Variants in BAIAP2L1 observed in about 807,000 individuals in gnomAD.
BAIAP2L1 encodes BAR/IMD domain containing adaptor protein 2 like 1.
Under a neutral mutation model 66.3 loss-of-function variants are expected in BAIAP2L1, and 35 were observed. That is an observed-to-expected ratio of 0.53 (90% confidence interval 0.40 to 0.70). BAIAP2L1 has a LOEUF of 0.70. Ranked by LOEUF, BAIAP2L1 falls within the 30% of genes least tolerant of loss-of-function variation. BAIAP2L1 has a pLI of 0.00. For synonymous variants in BAIAP2L1, 269 were observed against 248.7 expected (o/e 1.08, Z -0.77); for missense variants, 622 against 656.9 (o/e 0.95, Z 0.58).
At chr7:98,368,520 G>A (rs570082217) in intron 1 of BAIAP2L1, among the ~76,000 whole-genome samples, 5 of 151,978 alleles carry the variant, frequency 3.3e-5, no homozygotes, top group Non-Finnish European at 7.4e-5. Flanking sequence ...GTGAAACCCC[G>A]CCTCTACTAA....
intron 1 of BAIAP2L1, among the ~76,000 whole-genome samples, chr7:98,364,571 A>T (rs922620161): frequency 6.6e-6 from 1 of 151,904 alleles, no homozygotes; most frequent in Non-Finnish European, 1.5e-5. Flanking sequence ...TGATCTAAGA[A>T]CTAATGCGTG....
At chr7:98,293,695 G>T in intron 13 of BAIAP2L1, 99 bp from the exon 14 acceptor site, 3 of 1,176,222 alleles carry the variant, frequency 2.6e-6, no homozygotes, top group Non-Finnish European at 3.8e-6. Flanking sequence ...GAGACTGGGC[G>T]GCTGACCACC....
At chr7:98,300,401 G>C (rs1253982899) in intron 12 of BAIAP2L1, among the ~76,000 whole-genome samples, 1 of 152,242 alleles carries the variant, frequency 6.6e-6, no homozygotes, top group Non-Finnish European at 1.5e-5. Context: ...GCTGTCTACA[G>C]AGGCTGGATG....
chr7:98,381,272 A>AG (rs1802754525), intron 1 of BAIAP2L1, among the ~76,000 whole-genome samples: 1 of 152,210 alleles, frequency 6.6e-6, no homozygotes, highest in Admixed American at 6.6e-5. Flanking sequence ...GGAAATCTTC[A>AG]GCGCATGGAG....
chr7:98,355,573 A>AAAC (rs1412577599), intron 2 of BAIAP2L1: 2 of 162,792 alleles, frequency 1.2e-5, no homozygotes, highest in Non-Finnish European at 2.7e-5. Flanking sequence ...AAAAAAAAAT[A>AAAC]CATAAATTAG....
chr7:98,294,171 T>TA, intron 12 of BAIAP2L1, 60 bp from the exon 13 acceptor site: 1 of 1,556,470 alleles, frequency 6.4e-7, no homozygotes, highest in Non-Finnish European at 8.9e-7. Flanking sequence ...AAAATTATTT[T>TA]AGGTAGAGAT....
intron 7 of BAIAP2L1, among the ~76,000 whole-genome samples, chr7:98,313,303 A>C (rs1470515090): frequency 6.6e-6 from 1 of 152,134 alleles, no homozygotes; most frequent in Admixed American, 6.6e-5. Context: ...TCCAGCATAG[A>C]AACGAGCAGA....
chr7:98,338,108 A>G (rs1029396426), intron 3 of BAIAP2L1, among the ~76,000 whole-genome samples: 7 of 152,152 alleles, frequency 4.6e-5, no homozygotes, highest in Non-Finnish European at 8.8e-5. Flanking sequence ...CATCACCACT[A>G]CCCAGTTCAC....
chr7:98,314,061 C>A (rs1800984605), intron 7 of BAIAP2L1, among the ~76,000 whole-genome samples: 1 of 145,864 alleles, frequency 6.9e-6, no homozygotes, highest in African/African-American at 2.5e-5. Context: ...TCTGGGCTCA[C>A]TGCAACCTCA....
intron 12 of BAIAP2L1, among the ~76,000 whole-genome samples, chr7:98,302,955 T>C (rs1177236538): frequency 1.8e-4 from 28 of 152,118 alleles, no homozygotes; most frequent in Admixed American, 1.8e-3. Flanking sequence ...TGGCTAATTT[T>C]TTATATTTTT....
chr7:98,346,994 A>AAACAACAAC (rs71515213), intron 3 of BAIAP2L1, among the ~76,000 whole-genome samples: 3 of 151,122 alleles, frequency 2.0e-5, no homozygotes, highest in South Asian at 4.2e-4. Flanking sequence ...GATGCCAGCA[A>AAACAACAAC]AACAACAACA....
At chr7:98,309,859 G>A (rs1800805146) in intron 9 of BAIAP2L1, 1 of 154,038 alleles carries the variant, frequency 6.5e-6, no homozygotes, top group South Asian at 2.0e-4. Context: ...GACAGTCACT[G>A]GCTCCAACTT....
intron 1 of BAIAP2L1, among the ~76,000 whole-genome samples, chr7:98,389,412 A>G (rs1802974635): frequency 6.6e-6 from 1 of 151,882 alleles, no homozygotes; most frequent in Admixed American, 6.6e-5. Context: ...TCCGCCTCCC[A>G]GGTTCAAGCA....
At chr7:98,327,259 G>T (rs1801397303) in intron 3 of BAIAP2L1, among the ~76,000 whole-genome samples, 1 of 152,060 alleles carries the variant, frequency 6.6e-6, no homozygotes, top group African/African-American at 2.4e-5. Flanking sequence ...TACTTGGGAG[G>T]CTGAAGCATG....
At chr7:98,375,854 C>T (rs1261362803) in intron 1 of BAIAP2L1, among the ~76,000 whole-genome samples, 1 of 152,126 alleles carries the variant, frequency 6.6e-6, no homozygotes, top group Non-Finnish European at 1.5e-5. Flanking sequence ...GACAGGATGC[C>T]TTAGTCACCC....
At chr7:98,381,741 C>T (rs557897078) in intron 1 of BAIAP2L1, among the ~76,000 whole-genome samples, 1 of 152,266 alleles carries the variant, frequency 6.6e-6, no homozygotes, top group South Asian at 2.1e-4. Context: ...CTACTCCCTA[C>T]TCACTTAGGC....
At position 98,398,293 on chromosome 7, in the gene BAIAP2L1, C is replaced by A. The variant is rs529610483; in HGVS notation, c.51+2509G>T. Among the ~76,000 whole-genome samples, 4 of 152,186 alleles carry A rather than the reference C, an allele frequency of 2.6e-5. No individual in the cohort carries two copies. In the East Asian group the frequency reaches 7.7e-4, roughly 29 times the overall value. ...CTTAAACTGTTTTCAGCTTGAACAT[C>A]ATGGGGCAGGGCTGGATAGGGGGAA... On this transcript the variant is annotated intron_variant, in intron 1 of 13. Coordinates refer to ENST00000005260, the MANE Select transcript of BAIAP2L1 (RefSeq NM_018842.5).
In BAIAP2L1 at chr7:98,293,599, G is replaced by A. The variant is rs759284798; in HGVS notation, c.1461-3C>T. 6.2e-7 allele frequency: 1 copy of A among 1,612,844 alleles called. No individual in the cohort carries two copies. The highest frequency in any genetic ancestry group is 8.5e-7 in the Non-Finnish European group (1 of 1,178,896). On this transcript the variant is annotated splice_polypyrimidine_tract_variant and splice_region_variant and intron_variant, in intron 13 of 13. Transcript: ENST00000005260. ...CAGTGGCAAAGGGGTTTTCTCCGCTGCAGGGGATAAGAAAAATCTTTCAGA... is the reference window on the plus strand; with the variant it reads ...CAGTGGCAAAGGGGTTTTCTCCGCTACAGGGGATAAGAAAAATCTTTCAGA...
rs1041086922 is a variant in BAIAP2L1, at chr7:98,292,806, G to T, written c.*715C>A. On this transcript the variant is annotated 3_prime_UTR_variant, in exon 14 of 14. Transcript: ENST00000005260. ...AGCCGTGACTCCGACGCCCAGGCCTGTGTCCTGGATGGGCCGTGTGCAGCG... is the reference window on the plus strand; with the variant it reads ...AGCCGTGACTCCGACGCCCAGGCCTTTGTCCTGGATGGGCCGTGTGCAGCG... The T allele has an allele frequency of 6.3e-5, 97 of 1,532,988 alleles. No homozygotes were observed. In the African/African-American group the frequency reaches 1.3e-3, roughly 20 times the overall value. The allele number at this position is 1,532,988 out of a possible 1,614,324, so 95.0% of individuals were successfully genotyped here.
Sources: gnomAD v4.1 joint callset for allele counts (sites outside exome capture counted in the v4.1 genomes callset) on GRCh38, gnomAD v4.1.1 for gene constraint, MANE v1.5 for transcripts, NCBI Gene and HGNC (gene_info 2026-07-23, HGNC 2026-07-21) for gene names.